Variants in KLHDC1 observed in about 807,000 individuals in gnomAD.
The protein encoded by KLHDC1 is kelch domain-containing protein 1.
KLHDC1 carries 53 observed loss-of-function variants against 68.3 expected under a neutral mutation model. The ratio of observed to expected loss-of-function variants is 0.78; its 90% CI spans 0.62 to 0.98. The LOEUF (loss-of-function observed/expected upper bound fraction) is 0.98, where lower values mean the gene tolerates loss of function less well. Among genes scored for constraint, KLHDC1 ranks in the 50% least tolerant of loss-of-function variants. The pLI, the probability that KLHDC1 is intolerant of heterozygous loss-of-function variation, is 0.00. For missense variants in KLHDC1, 470 were observed against 492.3 expected (o/e 0.95, Z 0.43); for synonymous variants, 148 against 159.0 (o/e 0.93, Z 0.52).
intron 6 of KLHDC1, 103 bp from the exon 7 acceptor site, chr14:49,728,823 A>G: frequency 1.2e-6 from 1 of 808,178 alleles, no homozygotes; most frequent in Non-Finnish European, 2.1e-6. Context: ...TTACATAGGT[A>G]ATGATAACTT....
At chr14:49,707,713 C>T (rs1888094368) in intron 1 of KLHDC1, 2 of 132,336 alleles carry the variant, frequency 1.5e-5, no homozygotes, top group Admixed American at 1.8e-4. Flanking sequence ...TGCAGTGGTA[C>T]TATCATAGCT....
Position 49,693,241 on chromosome 14 carries a change from A to G in KLHDC1, c.47A>G (p.His16Arg). ...TGTGTGGCGGAGGAACGCAGCGGCC[A>G]CTGCGCCGTGGTGGACGGAAACTTC... Reference protein sequence around the residue: ...LFCVAEERSGHCAVVDGNFLY... With the variant: ...LFCVAEERSGRCAVVDGNFLY... Residue 16 changes from histidine to arginine, a missense_variant, in exon 1 of 13, where the codon CAC becomes CGC. Coordinates refer to ENST00000359332, the MANE Select transcript of KLHDC1 (RefSeq NM_172193.3). The G allele has an allele frequency of 6.4e-7, 1 of 1,573,448 alleles. No homozygotes were observed. The highest frequency in any genetic ancestry group is 8.6e-7 in the Non-Finnish European group (1 of 1,161,992).
At chr14:49,717,092 C>T (rs1288527866) in intron 4 of KLHDC1, among the ~76,000 whole-genome samples, 1 of 152,108 alleles carries the variant, frequency 6.6e-6, no homozygotes, top group African/African-American at 2.4e-5. Flanking sequence ...GTATATACCG[C>T]ATGTTGGTTA....
intron 4 of KLHDC1, among the ~76,000 whole-genome samples, chr14:49,722,446 C>T (rs983701344): frequency 1.4e-4 from 21 of 152,158 alleles, no homozygotes; most frequent in African/African-American, 4.8e-4. Context: ...GACATGAACT[C>T]ATCCTTTTTT....
At chr14:49,695,126 G>GTGTA (rs1887699412) in intron 1 of KLHDC1, among the ~76,000 whole-genome samples, 1 of 151,050 alleles carries the variant, frequency 6.6e-6, no homozygotes, top group African/African-American at 2.4e-5. Flanking sequence ...ATGTGTGTGT[G>GTGTA]TGTGTGTGTG....
chr14:49,711,538 C>T (rs1368922722), intron 4 of KLHDC1, among the ~76,000 whole-genome samples: 1 of 152,084 alleles, frequency 6.6e-6, no homozygotes, highest in East Asian at 1.9e-4. Context: ...TGGGGTTTCA[C>T]CATGTTGGCC....
intron 9 of KLHDC1, among the ~76,000 whole-genome samples, chr14:49,733,695 A>G (rs947044282): frequency 1.3e-5 from 2 of 152,150 alleles, no homozygotes; most frequent in Non-Finnish European, 2.9e-5. Context: ...TGCTGGGACT[A>G]CAGGCGTCAG....
At chr14:49,733,687 C>T (rs892883762) in intron 9 of KLHDC1, among the ~76,000 whole-genome samples, 1 of 152,118 alleles carries the variant, frequency 6.6e-6, no homozygotes, top group African/African-American at 2.4e-5. Flanking sequence ...TCCCAAAGTG[C>T]TGGGACTACA....
intron 4 of KLHDC1, among the ~76,000 whole-genome samples, chr14:49,721,377 C>A (rs1232444072): frequency 1.3e-5 from 2 of 151,844 alleles, no homozygotes; most frequent in Non-Finnish European, 2.9e-5. Flanking sequence ...GGAGACAGGT[C>A]TCCTTATGTT....
intron 4 of KLHDC1, among the ~76,000 whole-genome samples, chr14:49,713,828 ATATATATATATATATATATATATT>A (rs1191349068): frequency 4.9e-4 from 1 of 2,056 alleles, no homozygotes; most frequent in African/African-American, 7.9e-4. Context: ...ATATATATAT[ATATATATATATATATATATATATT>A]TTTTTTTTTT....
chr14:49,698,493 C>T (rs982216679), intron 1 of KLHDC1, among the ~76,000 whole-genome samples: 5 of 148,218 alleles, frequency 3.4e-5, no homozygotes, highest in African/African-American at 7.5e-5. Context: ...TGAGCCACCG[C>T]GCTCGGCCTT....
At chr14:49,711,960 C>A (rs1363764594) in intron 4 of KLHDC1, among the ~76,000 whole-genome samples, 1 of 140,244 alleles carries the variant, frequency 7.1e-6, no homozygotes, top group African/African-American at 2.7e-5. Context: ...CACTGTCACC[C>A]AGGCTGGAAT....
intron 4 of KLHDC1, among the ~76,000 whole-genome samples, chr14:49,718,911 G>A (rs1888454404): frequency 6.7e-6 from 1 of 149,718 alleles, no homozygotes; most frequent in Non-Finnish European, 1.5e-5. Flanking sequence ...CAAGTATCTG[G>A]GATTACAGCC....
Position 49,693,223 on chromosome 14 carries a change from C to T in KLHDC1, c.29C>T (p.Ala10Val), listed in dbSNP as rs1176473029. 7.6e-6 allele frequency: 12 copies of T among 1,575,774 alleles called. No individual in the cohort carries two copies. Among genetic ancestry groups the T allele is most frequent in the African/African-American group, 1.4e-5 (1 of 70,860 alleles). Residue 10 changes from alanine to valine, a missense_variant, in exon 1 of 13, where the codon GCG becomes GTG. Ala to Val is a moderately conservative substitution (Grantham distance 64). Transcript: ENST00000359332. ...GCGGACTCTCAGCTGTTCTGTGTGG[C>T]GGAGGAACGCAGCGGCCACTGCGCC... is the stretch of plus-strand genomic sequence containing the variant. MADSQLFCV[A>V]EERSGHCAVV...
At chr14:49,736,713 A>AT (rs1325279395) in intron 10 of KLHDC1, among the ~76,000 whole-genome samples, 14 of 152,200 alleles carry the variant, frequency 9.2e-5, no homozygotes, top group Middle Eastern at 3.2e-3. Flanking sequence ...TTTGGACCAC[A>AT]TAATTCTTTG....
chr14:49,711,161 T>G (rs533515473), intron 4 of KLHDC1, among the ~76,000 whole-genome samples: 132 of 151,924 alleles, frequency 8.7e-4, no homozygotes, highest in Admixed American at 1.7e-3. Context: ...CCCGGCTAAT[T>G]TTTGTGTTTT....
At chr14:49,732,318 G>T (rs886887715) in intron 8 of KLHDC1, among the ~76,000 whole-genome samples, 1 of 151,882 alleles carries the variant, frequency 6.6e-6, no homozygotes, top group Non-Finnish European at 1.5e-5. Flanking sequence ...GACTACAGGC[G>T]CATGCCACCA....
At chr14:49,748,895 G>C (rs930871635) in intron 12 of KLHDC1, among the ~76,000 whole-genome samples, 1 of 151,442 alleles carries the variant, frequency 6.6e-6, no homozygotes, top group African/African-American at 2.4e-5. Context: ...CCGCCTCCTG[G>C]GTTCAAGCAA....
At chr14:49,738,630 G>A (rs1359877819) in intron 10 of KLHDC1, among the ~76,000 whole-genome samples, 1 of 152,154 alleles carries the variant, frequency 6.6e-6, no homozygotes, top group South Asian at 2.1e-4. Flanking sequence ...TTACAGGCTT[G>A]AGCCACCGTG....
Sources: allele counts gnomAD v4.1 joint callset (sites outside exome capture counted in the v4.1 genomes callset), GRCh38; gene constraint gnomAD v4.1.1; transcripts MANE v1.5; gene names NCBI Gene and HGNC (gene_info 2026-07-23, HGNC 2026-07-21).